Variants in DIDO1 observed in about 807,000 individuals in gnomAD.
DIDO1 encodes death-inducer obliterator 1.
In DIDO1, 16 loss-of-function variants were observed where a neutral mutation model predicts 99.4. That is an observed-to-expected ratio of 0.16 (90% confidence interval 0.11 to 0.24). The LOEUF is 0.24. DIDO1 is among the 10% of genes least tolerant of loss of function. The probability of loss-of-function intolerance (pLI) is 1.00; values close to 1 mark genes in which losing one functional copy is unlikely to be tolerated. For missense variants in DIDO1, 2,996 were observed against 3,014.0 expected, an observed-to-expected ratio of 0.99 and a Z score of 0.14; for synonymous variants, 1,366 against 1,239.1, an observed-to-expected ratio of 1.10 and a Z score of -2.15.
chr20:62,919,287 C>T (rs2065093090), intron 1 of DIDO1, among the ~76,000 whole-genome samples: 1 of 152,202 alleles, frequency 6.6e-6, no homozygotes, highest in Non-Finnish European at 1.5e-5. Flanking sequence ...GTGGCTCATG[C>T]CTGCACTTCG....
chr20:62,895,802 G>C (rs1340843375), intron 8 of DIDO1, among the ~76,000 whole-genome samples: 3 of 152,168 alleles, frequency 2.0e-5, no homozygotes, highest in African/African-American at 7.2e-5. Flanking sequence ...GAGAACTCAA[G>C]CAGCCCAAAC....
intron 1 of DIDO1, among the ~76,000 whole-genome samples, chr20:62,919,921 AAGG>A (rs1348047167): frequency 5.3e-5 from 8 of 152,246 alleles, no homozygotes; most frequent in Non-Finnish European, 1.0e-4. Flanking sequence ...TATCGAGGTG[AAGG>A]AGAAGTGAGG....
chr20:62,881,161 C>T lies in DIDO1; in HGVS notation c.4795G>A (p.Gly1599Ser), dbSNP rs2064197332. ...ALPERDASRG[G>S]LVGQAPMPVP... ...GGCATGGGCGCCTGGCCCACGAGGC[C>T]ACCCCTGGAAGCATCTCTCTCGGGC... Residue 1599 changes from glycine to serine, a missense_variant, in exon 16 of 16, where the codon GGC (glycine) becomes AGC (serine). Coordinates refer to ENST00000395343, the MANE Select transcript of DIDO1 (RefSeq NM_001193369.2). This position sits in a 1 kb window ranked among gnomAD's most constrained non-coding sequence, Gnocchi z 8.3. 2 of 1,608,812 alleles carry T rather than the reference C, an allele frequency of 1.2e-6. No homozygotes were observed. The highest frequency in any genetic ancestry group is 4.5e-5 in the East Asian group (2 of 44,842).
chr20:62,888,256 C>T (rs2064328700), intron 15 of DIDO1: 4 of 985,428 alleles, frequency 4.1e-6, no homozygotes, highest in Non-Finnish European at 4.8e-6. Flanking sequence ...GTGGTATAAA[C>T]TGAGGCACAT....
rs975661932 is a variant in DIDO1 at position 62,880,541 on chromosome 20, C to A, written c.5415G>T (p.Gly1805=). The change falls in exon 16 of 16, where the codon GGG becomes GGT. Residue 1805 remains glycine, a synonymous_variant. Coordinates refer to ENST00000395343, the MANE Select transcript of DIDO1 (RefSeq NM_001193369.2). ...GCCCCGAGAATAAGGAAGGGATGGGCCCCTTCTGGGCTCCGAATCTGGCTG... is the reference window on the plus strand; with the variant it reads ...GCCCCGAGAATAAGGAAGGGATGGGACCCTTCTGGGCTCCGAATCTGGCTG... ...PPPARFGAQK[G]PIPSLFSGQH... The A allele has an allele frequency of 6.2e-7, 1 of 1,612,884 alleles. No individual in the cohort carries two copies. The highest frequency in any genetic ancestry group is 1.3e-5 in the African/African-American group (1 of 74,950).
rs2064202674 is a variant in DIDO1 at position 62,881,379 on chromosome 20, T to C, written c.4577A>G (p.Lys1526Arg). 1 of 1,606,912 alleles carries C rather than the reference T, an allele frequency of 6.2e-7. No homozygotes were observed. Among genetic ancestry groups the C allele is most frequent in the East Asian group, 2.2e-5 (1 of 44,856 alleles). ...CAGCTCTGCCTTGGGCAAGGACGAC[T>C]TTGGTGGTGGAGACATCAAGGCGTC... ...VSDALMSPPP[K>R]SSLPKAELFQ... Residue 1526 changes from lysine to arginine, a missense_variant, in exon 16 of 16, where the codon AAG becomes AGG. Lys to Arg is a conservative substitution (Grantham distance 26). Transcript: ENST00000395343. The surrounding 1 kb of genome is among the most constrained non-coding windows in gnomAD (Gnocchi z 8.3).
intron 1 of DIDO1, among the ~76,000 whole-genome samples, chr20:62,920,481 T>C (rs944086492): frequency 9.2e-5 from 14 of 152,222 alleles, no homozygotes; most frequent in African/African-American, 1.9e-4. Context: ...GCGCATCAGA[T>C]TGATTCCACA....
At chr20:62,929,848 C>T (rs1204920471), upstream of DIDO1, among the ~76,000 whole-genome samples, 1 of 150,776 alleles carries the variant, frequency 6.6e-6, no homozygotes, top group Admixed American at 6.6e-5. Context: ...GATAAATCAA[C>T]TCACCAATGC....
At chr20:62,885,800 A>T (rs1218863896) in intron 15 of DIDO1, among the ~76,000 whole-genome samples, 1 of 152,150 alleles carries the variant, frequency 6.6e-6, no homozygotes, top group East Asian at 1.9e-4. Context: ...CTTGGAAATA[A>T]CTCTTCGTGG....
chr20:62,888,819 A>G, intron 15 of DIDO1: 1 of 985,460 alleles, frequency 1.0e-6, no homozygotes, highest in Non-Finnish European at 1.2e-6. Context: ...TTTAGTGACC[A>G]TGGAAGTGTG....
At chr20:62,929,695 G>GTATGTATATATATATATATATATATATA (rs2065308529), upstream of DIDO1, among the ~76,000 whole-genome samples, 1 of 97,972 alleles carries the variant, frequency 1.0e-5, no homozygotes, top group African/African-American at 4.6e-5. Flanking sequence ...AAGAAAAAGT[G>GTATGTATATATATATATATATATATATA]TATATATATA....
At position 62,903,153 on chromosome 20, in the gene DIDO1, T is replaced by C. The variant is rs1447968964; in HGVS notation, c.1588+2734A>G. 2.0e-5 allele frequency among the ~76,000 whole-genome samples: 3 copies of C among 152,176 alleles called. No homozygotes were observed. In the East Asian group the frequency reaches 5.8e-4, roughly 29 times the overall value. Reference sequence around the variant, plus strand: ...TTACGTAAGCTAAATAAACTGTATATATAAGAAACAATTTTTAAAAACAAA... The same window carrying C: ...TTACGTAAGCTAAATAAACTGTATACATAAGAAACAATTTTTAAAAACAAA... On this transcript the variant is annotated intron_variant, in intron 6 of 15. Coordinates refer to ENST00000395343, the MANE Select transcript of DIDO1 (RefSeq NM_001193369.2).
rs2064915406 is a variant in DIDO1 at position 62,910,794 on chromosome 20, G to A, written c.819C>T (p.Cys273=). 15 of 1,611,374 alleles carry A rather than the reference G, an allele frequency of 9.3e-6. No individual in the cohort carries two copies. The highest frequency in any genetic ancestry group is 1.1e-5 in the Non-Finnish European group (13 of 1,177,646). The change falls in exon 3 of 16, where the codon TGC becomes TGT. Residue 273 remains cysteine (C), a synonymous_variant. Coordinates refer to ENST00000395343, the MANE Select transcript of DIDO1 (RefSeq NM_001193369.2). ...CCCACCTGTTGTTGTGAGGCTGGCG[G>A]CAAATGCAATACAGGGCGTTGGGGT... ...GYDPNALYCI[C]RQPHNNRFMI...
intron 14 of DIDO1, 37 bp from the exon 15 acceptor site, chr20:62,891,192 T>C: frequency 6.2e-7 from 1 of 1,611,388 alleles, no homozygotes; most frequent in Non-Finnish European, 8.5e-7. Flanking sequence ...ATAAAGAAAA[T>C]GTGGCTCAAG....
At chr20:62,898,145 A>C (rs2064579373) in intron 6 of DIDO1, among the ~76,000 whole-genome samples, 1 of 151,264 alleles carries the variant, frequency 6.6e-6, no homozygotes, top group South Asian at 2.1e-4. Context: ...ATCAAACCGC[A>C]CTCCTCCCCC....
intron 15 of DIDO1, chr20:62,890,606 T>A: frequency 8.8e-7 from 1 of 1,137,444 alleles, no homozygotes; most frequent in East Asian, 5.6e-5. Context: ...CCCGAGTCTG[T>A]CTAGAGGAAA....
chr20:62,886,032 C>A (rs1400212579), intron 15 of DIDO1, among the ~76,000 whole-genome samples: 1 of 152,222 alleles, frequency 6.6e-6, no homozygotes, highest in Non-Finnish European at 1.5e-5. Context: ...AGGGAGAGTG[C>A]CCCGGGAAGG....
At position 62,879,716 on chromosome 20, in the gene DIDO1, G is replaced by T. The variant is rs775290711; in HGVS notation, c.6240C>A (p.Asn2080Lys). 3 of 1,611,584 alleles carry T rather than the reference G, an allele frequency of 1.9e-6. No individual in the cohort carries two copies. The highest frequency in any genetic ancestry group is 1.7e-6 in the Non-Finnish European group (2 of 1,179,806). The change falls in exon 16 of 16, where the codon AAC becomes AAA. Residue 2080 changes from asparagine (N) to lysine (K), a missense_variant. Coordinates refer to ENST00000395343, the MANE Select transcript of DIDO1 (RefSeq NM_001193369.2). The surrounding 1 kb of genome is among the most constrained non-coding windows in gnomAD (Gnocchi z 6.3). ...CTCTCTGCCTCCCTTCGAAAGTCTG[G>T]TTTCTGTATTCGTGGCCTTTCCCCT... is the stretch of plus-strand genomic sequence containing the variant. ...FREGKGHEYR[N>K]QTFEGRQRER...
At chr20:62,923,959 T>C (rs2065205329) in intron 1 of DIDO1, among the ~76,000 whole-genome samples, 1 of 152,214 alleles carries the variant, frequency 6.6e-6, no homozygotes, top group Admixed American at 6.5e-5. Flanking sequence ...CAACTTCATA[T>C]AACAACTTAA....
Sources: allele counts gnomAD v4.1 joint callset (sites outside exome capture counted in the v4.1 genomes callset), GRCh38; gene constraint gnomAD v4.1.1; non-coding constraint Gnocchi (gnomAD v3.1); transcripts MANE v1.5; gene names NCBI Gene and HGNC (gene_info 2026-07-23, HGNC 2026-07-21).